The following FHOD3 variants were observed in gnomAD, a reference collection of about 807,000 sequenced individuals.
FHOD3 encodes formin homology 2 domain containing 3.
A neutral mutation model predicts 173.0 loss-of-function variants in FHOD3; 90 were observed. The observed-to-expected ratio is 0.52, with a 90% CI of 0.44 to 0.62. The LOEUF is 0.62. Among genes scored for constraint, FHOD3 ranks in the 20% least tolerant of loss-of-function variants. The pLI is 0.00. For synonymous variants in FHOD3, 828 were observed against 823.0 expected, an observed-to-expected ratio of 1.01 and a Z score of -0.10; for missense variants, 1,945 against 2,034.7, an observed-to-expected ratio of 0.96 and a Z score of 0.85.
At chr18:36,611,602 G>A (rs912530067) in intron 8 of FHOD3, among the ~76,000 whole-genome samples, 10 of 152,148 alleles carry the variant, frequency 6.6e-5, no homozygotes, top group South Asian at 2.1e-4. Context: ...TCACCCCTTC[G>A]ATTAACTCAA....
chr18:36,704,730 T>C (rs868461375), intron 17 of FHOD3, among the ~76,000 whole-genome samples: 3 of 152,066 alleles, frequency 2.0e-5, no homozygotes, highest in African/African-American at 4.8e-5. Flanking sequence ...GCCCTCCCCA[T>C]AGAGAGATCG....
intron 5 of FHOD3, among the ~76,000 whole-genome samples, chr18:36,553,789 G>C (rs1307922851): frequency 6.6e-6 from 1 of 151,872 alleles, no homozygotes; most frequent in Non-Finnish European, 1.5e-5. Flanking sequence ...AAATTTACAA[G>C]AAAAAAATCA....
chr18:36,709,313 G>A lies in FHOD3; in HGVS notation c.2455G>A (p.Ala819Thr). 6.2e-7 allele frequency: 1 copy of A among 1,614,262 alleles called. No homozygotes were observed. Among genetic ancestry groups the A allele is most frequent in the Non-Finnish European group, 8.5e-7 (1 of 1,180,046 alleles). Residue 819 changes from alanine (A) to threonine (T), a missense_variant, in exon 18 of 29, where the codon GCC (alanine) becomes ACC (threonine). Coordinates refer to ENST00000590592, the MANE Select transcript of FHOD3 (RefSeq NM_001281740.3). ...EGVNERDNCS[A>T]SSVSSSSSTL... The stretch of plus-strand genomic sequence containing the variant: ...GGTGAACGAGAGGGACAACTGCTCT[G>A]CCTCCAGCGTCTCGTCCTCCAGCAG...
intron 19 of FHOD3, among the ~76,000 whole-genome samples, chr18:36,719,034 G>T (rs2040617726): frequency 6.6e-6 from 1 of 152,198 alleles, no homozygotes; most frequent in African/African-American, 2.4e-5. Context: ...AGATATTGAT[G>T]TTAACTAGAG....
At chr18:36,526,883 T>C (rs11664808) in intron 5 of FHOD3, among the ~76,000 whole-genome samples, 49,708 of 152,212 alleles carry the variant, frequency 0.33, 9,146 homozygotes, top group Non-Finnish European at 0.42. Flanking sequence ...GTGGTGACTT[T>C]GTTTCTGAAA....
At chr18:36,605,604 G>A (rs983227674) in intron 8 of FHOD3, among the ~76,000 whole-genome samples, 8 of 151,772 alleles carry the variant, frequency 5.3e-5, no homozygotes, top group African/African-American at 1.9e-4. Flanking sequence ...TTTATATCCT[G>A]CTTCTCAAGG....
intron 3 of FHOD3, among the ~76,000 whole-genome samples, chr18:36,430,814 G>A (rs533235786): frequency 2.6e-5 from 4 of 152,242 alleles, no homozygotes; most frequent in African/African-American, 4.8e-5. Flanking sequence ...AGACGTTAGC[G>A]TGAGTTAGAT....
In FHOD3 at chr18:36,495,839, G is replaced by A. The variant is rs372521392; in HGVS notation, c.338-6093G>A. 2.2e-4 allele frequency among the ~76,000 whole-genome samples: 34 copies of A among 152,302 alleles called. 1 individual carries two copies. The East Asian group carries it at 2.3e-3, about 10-fold the overall frequency. ...ATTGGATTGCAGAACTAGGGAGCAC[G>A]ATGTCTGTCAGTCATCCTACCTCGA... On this transcript the variant is annotated intron_variant, in intron 3 of 28. Coordinates refer to ENST00000590592, the MANE Select transcript of FHOD3 (RefSeq NM_001281740.3).
chr18:36,589,193 A>T (rs2059132214), intron 6 of FHOD3, among the ~76,000 whole-genome samples: 1 of 152,160 alleles, frequency 6.6e-6, no homozygotes, highest in Non-Finnish European at 1.5e-5. Flanking sequence ...CTGCTTTTGC[A>T]CCCCCCGTAT....
chr18:36,473,811 CTTAATCTGCA>C (rs1349129635), intron 3 of FHOD3, among the ~76,000 whole-genome samples: 2 of 152,184 alleles, frequency 1.3e-5, no homozygotes, highest in Non-Finnish European at 2.9e-5. Context: ...GCCAGTTGTG[CTTAATCTGCA>C]ACATTTCCAT....
At chr18:36,686,432 T>A (rs916426200) in intron 15 of FHOD3, among the ~76,000 whole-genome samples, 1 of 150,576 alleles carries the variant, frequency 6.6e-6, no homozygotes, top group African/African-American at 2.4e-5. Context: ...GGAGGGGACC[T>A]GTGTCCATGT....
At chr18:36,563,075 C>G (rs2058145885) in intron 5 of FHOD3, among the ~76,000 whole-genome samples, 1 of 152,132 alleles carries the variant, frequency 6.6e-6, no homozygotes, top group South Asian at 2.1e-4. Context: ...GACACAGAGT[C>G]TTCATGGTTG....
At position 36,297,935 on chromosome 18, in the gene FHOD3, C is replaced by A; in HGVS notation, c.100C>A (p.Arg34Ser). 6.4e-7 allele frequency: 1 copy of A among 1,566,058 alleles called. No individual in the cohort carries two copies. Among genetic ancestry groups the A allele is most frequent in the African/African-American group, 1.4e-5 (1 of 72,682 alleles). The part of the protein sequence containing the change: ...EPSRPPLFTF[R>S]EDLALGTQLA... ...CAGCCGGCCGCCGCTGTTCACGTTC[C>A]GCGAGGACCTCGCGCTCGGCACCCA... The change falls in exon 1 of 29, where the codon CGC becomes AGC. Residue 34 changes from arginine to serine, a missense_variant. Arg to Ser is a moderately radical substitution (Grantham distance 110). Coordinates refer to ENST00000590592, the MANE Select transcript of FHOD3 (RefSeq NM_001281740.3).
rs565506543 is a variant in FHOD3 at position 36,779,739 on chromosome 18, G to A, written c.*209G>A. On this transcript the variant is annotated 3_prime_UTR_variant, in exon 29 of 29. Transcript: ENST00000590592. ...GTCCCCTGCACATACCTTCTCCATC[G>A]TGTCAGCTGTGTTTCTCTTGATTCC... The A allele has an allele frequency of 2.2e-4, 122 of 558,018 alleles. 1 individual carries two copies. The highest frequency in any genetic ancestry group is 1.9e-3 in the South Asian group (75 of 38,886). The allele number at this position is 558,018 out of a possible 1,614,324, so 34.6% of individuals were successfully genotyped here.
chr18:36,521,094 A>G (rs2056249746), intron 5 of FHOD3, among the ~76,000 whole-genome samples: 1 of 152,254 alleles, frequency 6.6e-6, no homozygotes, highest in African/African-American at 2.4e-5. Flanking sequence ...CATGGATTAA[A>G]ACTTTTTTTG....
chr18:36,607,845 A>G (rs1474884458), intron 8 of FHOD3, among the ~76,000 whole-genome samples: 3 of 152,172 alleles, frequency 2.0e-5, no homozygotes, highest in African/African-American at 4.8e-5. Flanking sequence ...CTTTAAAACA[A>G]AGATGGTTTT....
chr18:36,356,484 C>T (rs2046365040), intron 2 of FHOD3, among the ~76,000 whole-genome samples: 1 of 152,088 alleles, frequency 6.6e-6, no homozygotes, highest in African/African-American at 2.4e-5. Context: ...CACCTTTTTC[C>T]TTCTGATTTT....
intron 1 of FHOD3, 78 bp downstream of exon 1, chr18:36,298,078 TTCGTGGGC>T: frequency 2.3e-6 from 3 of 1,297,594 alleles, no homozygotes; most frequent in Non-Finnish European, 3.0e-6. Flanking sequence ...GTCCCGGGGC[TTCGTGGGC>T]CCCCTGGGCT....
At chr18:36,299,066 C>G (rs1460083931) in intron 1 of FHOD3, among the ~76,000 whole-genome samples, 1 of 151,934 alleles carries the variant, frequency 6.6e-6, no homozygotes, top group African/African-American at 2.4e-5. Context: ...AAAAAAACCT[C>G]GGATTTCTGT....
Sources: allele counts gnomAD v4.1 joint callset (sites outside exome capture counted in the v4.1 genomes callset), GRCh38; gene constraint gnomAD v4.1.1; transcripts MANE v1.5; gene names NCBI Gene and HGNC (gene_info 2026-07-23, HGNC 2026-07-21).